MAP3K5: variants seen among roughly 807,000 people sequenced by gnomAD.
MAP3K5 encodes the protein ASK-1.
In MAP3K5, 56 loss-of-function variants were observed where a neutral mutation model predicts 158.7. That is an observed-to-expected ratio of 0.35 (90% CI 0.28 to 0.44). The LOEUF is 0.44. MAP3K5 is among the 20% of genes least tolerant of loss of function. MAP3K5 has a pLI of 1.00. For missense variants in MAP3K5, 1,294 were observed against 1,674.8 expected (o/e 0.77, Z 3.97); for synonymous variants, 579 against 601.7 (o/e 0.96, Z 0.55).
At chr6:136,705,005 T>C (rs904090867) in intron 3 of MAP3K5, 105 bp downstream of exon 3, 1 of 575,356 alleles carries the variant, frequency 1.7e-6, no homozygotes, top group East Asian at 3.8e-5. Flanking sequence ...AGAGGAAAAA[T>C]AGAGATATAA....
At chr6:136,676,877 C>T (rs112594122) in intron 7 of MAP3K5, among the ~76,000 whole-genome samples, 82 of 150,716 alleles carry the variant, frequency 5.4e-4, no homozygotes, top group African/African-American at 2.0e-3. Flanking sequence ...CTGCAACCTC[C>T]GCCTCCTGGG....
intron 1 of MAP3K5, among the ~76,000 whole-genome samples, chr6:136,757,586 A>ATTTATTTT (rs1562679223): frequency 2.3e-5 from 3 of 127,818 alleles, no homozygotes; most frequent in Admixed American, 7.9e-5. Context: ...TTTATTTTTT[A>ATTTATTTT]TTTTTTTTTT....
At chr6:136,752,703 G>A (rs1021592651) in intron 1 of MAP3K5, among the ~76,000 whole-genome samples, 19 of 152,106 alleles carry the variant, frequency 1.2e-4, no homozygotes, top group Admixed American at 9.8e-4. Flanking sequence ...TGAGCCACTG[G>A]GCCCAGCCTT....
intron 19 of MAP3K5, among the ~76,000 whole-genome samples, chr6:136,604,217 G>A (rs763471941): frequency 6.6e-6 from 1 of 151,950 alleles, no homozygotes; most frequent in Non-Finnish European, 1.5e-5. Flanking sequence ...AGCTACTCAG[G>A]AGGCTGAGGC....
chr6:136,752,979 C>G (rs1351340223), intron 1 of MAP3K5, among the ~76,000 whole-genome samples: 2 of 152,182 alleles, frequency 1.3e-5, no homozygotes, highest in Non-Finnish European at 2.9e-5. Context: ...ACCAACACCA[C>G]CACCCCATAG....
rs17724208 is a variant in MAP3K5, at chr6:136,765,229, G to A, written c.448+26481C>T. Among the ~76,000 whole-genome samples, 400 of 152,180 alleles carry A rather than the reference G, an allele frequency of 2.6e-3. 15 individuals are homozygous for A. The East Asian group carries it at 0.063, about 24-fold the overall frequency. ...TCCAGCAATCTATGACCTGCCAAGC[G>A]CTGTGCATAATTCCTTACGTGCATG... On this transcript the variant is annotated intron_variant, in intron 1 of 29. Transcript: ENST00000359015.
chr6:136,588,578 A>G (rs760863), intron 23 of MAP3K5, among the ~76,000 whole-genome samples: 31,684 of 152,132 alleles, frequency 0.21, 3,869 homozygotes, highest in East Asian at 0.44. Context: ...AGTTCGCCAC[A>G]GCATCCCCAG....
At chr6:136,751,490 G>A (rs890117144) in intron 1 of MAP3K5, among the ~76,000 whole-genome samples, 3 of 152,142 alleles carry the variant, frequency 2.0e-5, no homozygotes, top group Non-Finnish European at 2.9e-5. Flanking sequence ...TCTTCCTTCT[G>A]TCCTATGCAT....
At position 136,792,098 on chromosome 6, in the gene MAP3K5, G is replaced by C; in HGVS notation, c.60C>G (p.Gly20=). The C allele has an allele frequency of 6.3e-7, 1 of 1,585,482 alleles. No homozygotes were observed. Residue 20 remains glycine, a synonymous_variant, in exon 1 of 30, where the codon GGC becomes GGG. Coordinates refer to ENST00000359015, the MANE Select transcript of MAP3K5 (RefSeq NM_005923.4). The surrounding 1 kb of genome is among the most constrained non-coding windows in gnomAD (Gnocchi z 5.7). ...TGCCGCCCTCGGGGATGGTGCAGAA[G>C]CCCGAGGGGGCGAAGGGTGGCACAG... is the stretch of plus-strand genomic sequence containing the variant. ...TFSVPPFAPS[G]FCTIPEGGIC...
chr6:136,669,820 A>C (rs1562597452), intron 7 of MAP3K5, among the ~76,000 whole-genome samples: 1 of 152,076 alleles, frequency 6.6e-6, no homozygotes, highest in African/African-American at 2.4e-5. Flanking sequence ...AGCATGTTAA[A>C]AGTCAGAAGA....
rs773818553 is a variant in MAP3K5 at position 136,567,680 on chromosome 6, G to A, written c.3712C>T (p.His1238Tyr). 3.1e-5 allele frequency: 50 copies of A among 1,614,038 alleles called. No homozygotes were observed. The highest frequency in any genetic ancestry group is 3.7e-5 in the Non-Finnish European group (44 of 1,180,032). Residue 1238 changes from histidine (H) to tyrosine (Y), a missense_variant, in exon 26 of 30, where the codon CAC becomes TAC. Around this residue, in one of 5 missense-constraint regions of MAP3K5, gnomAD observed 199 missense variants for 220.3 expected, o/e 0.90. Transcript: ENST00000359015. ...STVSHDSQSAHRSLNVQLGRM... is the reference protein window; with the variant it reads ...STVSHDSQSAYRSLNVQLGRM... ...CCAAGCTGTACATTCAGTGACCGGT[G>A]AGCACTCTGGGAATCATGAGACACA...
intron 26 of MAP3K5, 106 bp downstream of exon 26, chr6:136,567,525 A>T: frequency 8.4e-7 from 1 of 1,187,354 alleles, no homozygotes; most frequent in Non-Finnish European, 1.2e-6. Context: ...CATTCAATCA[A>T]GTTTCCATGA....
At chr6:136,635,748 AAAAGTT>A (rs1271535532) in intron 14 of MAP3K5, among the ~76,000 whole-genome samples, 1 of 150,578 alleles carries the variant, frequency 6.6e-6, no homozygotes, top group Non-Finnish European at 1.5e-5. Context: ...AAAAAAAAAA[AAAAGTT>A]AGCCAGGTGT....
At position 136,601,828 on chromosome 6, in the gene MAP3K5, T is replaced by A. The variant is rs568859613; in HGVS notation, c.2831A>T (p.Lys944Met). The change falls in exon 20 of 30, where the codon AAG becomes ATG. Residue 944 changes from lysine to methionine, a missense_variant. Around this residue, in one of 5 missense-constraint regions of MAP3K5, gnomAD observed 362 missense variants for 463.2 expected, o/e 0.78. Transcript: ENST00000359015. ...VDEFLKVSSK[K>M]KKTQPKLSAL... ...TGAAAGCTTAGGTTGTGTCTTTTTCTTTTTGCTTGAAACTTTTAAAAACTC... is the reference window on the plus strand; with the variant it reads ...TGAAAGCTTAGGTTGTGTCTTTTTCATTTTGCTTGAAACTTTTAAAAACTC... 6.2e-7 allele frequency: 1 copy of A among 1,614,156 alleles called. No homozygotes were observed. The highest frequency in any genetic ancestry group is 1.3e-5 in the African/African-American group (1 of 75,044).
At chr6:136,720,776 A>C (rs1172186066) in intron 1 of MAP3K5, among the ~76,000 whole-genome samples, 187 bp from the exon 2 acceptor site, 1 of 152,130 alleles carries the variant, frequency 6.6e-6, no homozygotes, top group African/African-American at 2.4e-5. Context: ...AAATGTAACA[A>C]ACCTCCTTTT....
chr6:136,680,872 A>G (rs1251690512), intron 7 of MAP3K5, among the ~76,000 whole-genome samples: 1 of 152,142 alleles, frequency 6.6e-6, no homozygotes, highest in Non-Finnish European at 1.5e-5. Context: ...TACCCTTGGA[A>G]GAGCTCTGCA....
At chr6:136,745,992 C>A (rs1308742521) in intron 1 of MAP3K5, among the ~76,000 whole-genome samples, 1 of 152,106 alleles carries the variant, frequency 6.6e-6, no homozygotes, top group Non-Finnish European at 1.5e-5. Flanking sequence ...CATGCATAGC[C>A]TGGAAACAGG....
chr6:136,609,096 C>CA lies in MAP3K5; in HGVS notation c.2521+2185dup, dbSNP rs1220041126. ...TCCTACAATTCCTTTGGAGATTTTA[C>CA]AAAAAAGATGTTCCCCAGATTAGTA... On this transcript the variant is annotated intron_variant, in intron 18 of 29. Coordinates refer to ENST00000359015, the MANE Select transcript of MAP3K5 (RefSeq NM_005923.4). This position sits in a 1 kb window ranked among gnomAD's most constrained non-coding sequence, Gnocchi z 4.4. Among the ~76,000 whole-genome samples, 1 of 152,042 alleles carries CA rather than the reference C, an allele frequency of 6.6e-6. No individual in the cohort carries two copies. The highest frequency in any genetic ancestry group is 1.5e-5 in the Non-Finnish European group (1 of 67,974).
chr6:136,635,270 T>C (rs1191354705), intron 14 of MAP3K5, among the ~76,000 whole-genome samples: 3 of 152,182 alleles, frequency 2.0e-5, no homozygotes, highest in Non-Finnish European at 2.9e-5. Context: ...CAAGTTGCTA[T>C]GTATCAAGTG....
Sources: allele counts gnomAD v4.1 joint callset (sites outside exome capture counted in the v4.1 genomes callset), GRCh38; gene constraint gnomAD v4.1.1; regional missense constraint gnomAD v4.1.1; non-coding constraint Gnocchi (gnomAD v3.1); transcripts MANE v1.5; gene names NCBI Gene and HGNC (gene_info 2026-07-23, HGNC 2026-07-21).